The following SLC9A9 variants were observed in gnomAD, a reference collection of about 807,000 sequenced individuals.
SLC9A9 encodes the protein sodium/hydrogen exchanger 9.
A neutral mutation model predicts 77.8 loss-of-function variants in SLC9A9; 62 were observed. The observed-to-expected ratio is 0.80, with a 90% CI of 0.65 to 0.98. SLC9A9 has a LOEUF of 0.98. Ranked by LOEUF, SLC9A9 falls within the 50% of genes least tolerant of loss-of-function variation. SLC9A9 has a pLI of 0.00. For synonymous variants in SLC9A9, 320 were observed against 283.5 expected, an observed-to-expected ratio of 1.13 and a Z score of -1.29; for missense variants, 775 against 774.9, an observed-to-expected ratio of 1.00 and a Z score of 0.00.
chr3:143,809,980 C>G (rs1014426110), intron 2 of SLC9A9, among the ~76,000 whole-genome samples: 1 of 152,144 alleles, frequency 6.6e-6, no homozygotes, highest in Non-Finnish European at 1.5e-5. Flanking sequence ...AAAGGTGTGA[C>G]TAATTTGGAG....
At chr3:143,296,745 A>G (rs909601928) in intron 14 of SLC9A9, among the ~76,000 whole-genome samples, 1 of 152,092 alleles carries the variant, frequency 6.6e-6, no homozygotes, top group South Asian at 2.1e-4. Context: ...GTGAGGTGAT[A>G]TCTTATTGTG....
intron 12 of SLC9A9, among the ~76,000 whole-genome samples, chr3:143,382,651 A>G (rs187725489): frequency 1.6e-4 from 24 of 152,316 alleles, no homozygotes; most frequent in Admixed American, 1.5e-3. Flanking sequence ...ATAAACACAA[A>G]ATTGGGAGTG....
At chr3:143,312,399 AC>A (rs1390955813) in intron 14 of SLC9A9, among the ~76,000 whole-genome samples, 5 of 152,250 alleles carry the variant, frequency 3.3e-5, no homozygotes, top group Non-Finnish European at 7.3e-5. Context: ...GTCTGCTCAA[AC>A]ATTAATCTTT....
At chr3:143,509,613 A>G (rs779140563) in intron 9 of SLC9A9, among the ~76,000 whole-genome samples, 6 of 152,160 alleles carry the variant, frequency 3.9e-5, no homozygotes, top group Non-Finnish European at 8.8e-5. Flanking sequence ...CATGCATAAA[A>G]CAGCTCTGAA....
At chr3:143,278,904 T>C (rs1015361851) in intron 14 of SLC9A9, among the ~76,000 whole-genome samples, 2 of 152,162 alleles carry the variant, frequency 1.3e-5, no homozygotes, top group Non-Finnish European at 2.9e-5. Context: ...GCTCTGTACT[T>C]ATTATCTACA....
chr3:143,370,911 C>T (rs762867156), intron 13 of SLC9A9, among the ~76,000 whole-genome samples: 5 of 151,820 alleles, frequency 3.3e-5, no homozygotes, highest in Non-Finnish European at 7.4e-5. Context: ...TGAGGTGAGC[C>T]CTCTACTCTC....
chr3:143,335,413 G>T (rs1174945874), intron 14 of SLC9A9, among the ~76,000 whole-genome samples: 2 of 152,008 alleles, frequency 1.3e-5, no homozygotes, highest in Non-Finnish European at 2.9e-5. Flanking sequence ...TACAGAAATA[G>T]AAAAAGATTC....
intron 11 of SLC9A9, among the ~76,000 whole-genome samples, chr3:143,479,501 C>A (rs1220963183): frequency 6.6e-6 from 1 of 152,154 alleles, no homozygotes; most frequent in Non-Finnish European, 1.5e-5. Context: ...AATCCTCCCA[C>A]TTTAGCCTCC....
chr3:143,449,610 A>AATT (rs1305543537), intron 12 of SLC9A9, among the ~76,000 whole-genome samples: 1 of 9,446 alleles, frequency 1.1e-4, no homozygotes, highest in Non-Finnish European at 1.4e-4. Context: ...TATAAAATAT[A>AATT]ATAATTATAT....
chr3:143,615,796 G>C (rs530189911), intron 6 of SLC9A9, among the ~76,000 whole-genome samples: 1 of 152,176 alleles, frequency 6.6e-6, no homozygotes, highest in East Asian at 1.9e-4. Flanking sequence ...AGGTGCTCAG[G>C]GAGATTAGGC....
At chr3:143,724,234 AG>A (rs530706517) in intron 4 of SLC9A9, among the ~76,000 whole-genome samples, 78 of 152,302 alleles carry the variant, frequency 5.1e-4, no homozygotes, top group African/African-American at 1.8e-3. Context: ...ATGGTTTAAA[AG>A]GGTATGGCAC....
chr3:143,591,781 C>T (rs187698086), intron 6 of SLC9A9, among the ~76,000 whole-genome samples: 1 of 152,302 alleles, frequency 6.6e-6, no homozygotes, highest in East Asian at 1.9e-4. Flanking sequence ...CTGGAGCAGC[C>T]TTGAAGTACC....
At chr3:143,591,386 T>C (rs1249891894) in intron 6 of SLC9A9, among the ~76,000 whole-genome samples, 1 of 152,212 alleles carries the variant, frequency 6.6e-6, no homozygotes, top group Non-Finnish European at 1.5e-5. Context: ...GTGTGAAGCA[T>C]GGGAACTGCA....
At chr3:143,305,334 A>AGCC (rs1346307927) in intron 14 of SLC9A9, among the ~76,000 whole-genome samples, 1 of 152,166 alleles carries the variant, frequency 6.6e-6, no homozygotes, top group East Asian at 1.9e-4. Flanking sequence ...CTGAGTGCTA[A>AGCC]GCCCTTGATG....
At chr3:143,333,683 A>G (rs1358130996) in intron 14 of SLC9A9, among the ~76,000 whole-genome samples, 1 of 152,234 alleles carries the variant, frequency 6.6e-6, no homozygotes, top group Admixed American at 6.5e-5. Context: ...CAAAGTGAAG[A>G]ATTCCTAATT....
At chr3:143,472,954 A>G (rs1453095107) in intron 11 of SLC9A9, among the ~76,000 whole-genome samples, 1 of 139,970 alleles carries the variant, frequency 7.1e-6, no homozygotes, top group Non-Finnish European at 1.7e-5. Flanking sequence ...AGGTTACCTC[A>G]TCTAGATTTC....
At chr3:143,639,109 A>C (rs536635686) in intron 6 of SLC9A9, among the ~76,000 whole-genome samples, 1 of 152,306 alleles carries the variant, frequency 6.6e-6, no homozygotes, top group South Asian at 2.1e-4. Flanking sequence ...TTTGGATGAA[A>C]AATTCTTAAT....
chr3:143,711,362 C>T (rs915982062), intron 4 of SLC9A9, among the ~76,000 whole-genome samples: 3 of 151,850 alleles, frequency 2.0e-5, no homozygotes, highest in African/African-American at 4.8e-5. Flanking sequence ...GGAGAAACCA[C>T]CAAAATGCTT....
chr3:143,573,279 G>A (rs754527188), intron 8 of SLC9A9, among the ~76,000 whole-genome samples: 1 of 152,136 alleles, frequency 6.6e-6, no homozygotes, highest in Non-Finnish European at 1.5e-5. Context: ...CCATTCGAAT[G>A]TCCGTTAAGA....
Sources: gnomAD v4.1 joint callset for allele counts (sites outside exome capture counted in the v4.1 genomes callset) on GRCh38, gnomAD v4.1.1 for gene constraint, MANE v1.5 for transcripts, NCBI Gene and HGNC (gene_info 2026-07-23, HGNC 2026-07-21) for gene names.